The following LTBP1 variants were observed in gnomAD, a reference collection of about 807,000 sequenced individuals.
LTBP1 encodes the protein latent transforming growth factor beta binding protein 1, also known as latent-transforming growth factor beta-binding protein 1.
A neutral mutation model predicts 207.6 loss-of-function variants in LTBP1; 129 were observed. That is an observed-to-expected ratio of 0.62 (90% confidence interval 0.54 to 0.72). The LOEUF (loss-of-function observed/expected upper bound fraction) is 0.72. LTBP1 is among the 30% of genes least tolerant of loss of function. The pLI, the probability that LTBP1 is intolerant of heterozygous loss-of-function variation, is 0.00. For synonymous variants in LTBP1, 963 were observed against 833.7 expected (o/e 1.16, Z -2.67); for missense variants, 2,281 against 2,217.2 (o/e 1.03, Z -0.58).
At chr2:33,280,459 A>G (rs542338086) in intron 19 of LTBP1, among the ~76,000 whole-genome samples, 209 of 152,350 alleles carry the variant, frequency 1.4e-3, no homozygotes, top group African/African-American at 4.7e-3. Context: ...AGAGATGGAG[A>G]GCAAAACACT....
chr2:33,256,045 G>A (rs537226214), intron 11 of LTBP1, among the ~76,000 whole-genome samples: 1 of 151,446 alleles, frequency 6.6e-6, no homozygotes, highest in South Asian at 2.1e-4. Context: ...ATTATGCCGT[G>A]GAGGTTAGCA....
At chr2:33,334,206 G>T (rs562402895) in intron 24 of LTBP1, among the ~76,000 whole-genome samples, 1 of 152,322 alleles carries the variant, frequency 6.6e-6, no homozygotes, top group Admixed American at 6.5e-5. Flanking sequence ...AACCTTGGCT[G>T]TTAAAAAGGA....
intron 10 of LTBP1, among the ~76,000 whole-genome samples, chr2:33,249,834 C>A (rs746911524): frequency 7.2e-5 from 11 of 152,212 alleles, no homozygotes; most frequent in Non-Finnish European, 1.2e-4. Flanking sequence ...TACAGGCACC[C>A]TTTATTATCA....
chr2:33,381,192 A>T (rs557602916), intron 31 of LTBP1, among the ~76,000 whole-genome samples: 131 of 152,320 alleles, frequency 8.6e-4, no homozygotes, highest in Non-Finnish European at 1.5e-3. Context: ...TATGCCCCAG[A>T]TACATTGGCA....
intron 3 of LTBP1, among the ~76,000 whole-genome samples, chr2:33,078,899 G>GC (rs2078243462): frequency 9.4e-6 from 1 of 106,436 alleles, no homozygotes; most frequent in African/African-American, 3.5e-5. Flanking sequence ...TCGCTCTGTT[G>GC]CCAGGCTGGA....
chr2:33,243,603 G>A, intron 9 of LTBP1, 59 bp from the exon 10 acceptor site: 11 of 1,571,506 alleles, frequency 7.0e-6, no homozygotes, highest in South Asian at 4.6e-5. Flanking sequence ...GCAATGTATA[G>A]CCAGAATCTG....
At chr2:33,228,147 A>G (rs981001804) in intron 9 of LTBP1, among the ~76,000 whole-genome samples, 5 of 152,162 alleles carry the variant, frequency 3.3e-5, no homozygotes, top group African/African-American at 1.2e-4. Flanking sequence ...GTCCAGTACC[A>G]ATGACTTACA....
chr2:33,202,410 G>A (rs754875494), intron 7 of LTBP1, among the ~76,000 whole-genome samples: 1 of 152,156 alleles, frequency 6.6e-6, no homozygotes, highest in Non-Finnish European at 1.5e-5. Flanking sequence ...GAGAAATGGT[G>A]TTCATTTAGG....
At chr2:33,385,340 T>A (rs2095256699) in intron 31 of LTBP1, among the ~76,000 whole-genome samples, 1 of 152,240 alleles carries the variant, frequency 6.6e-6, no homozygotes, top group Non-Finnish European at 1.5e-5. Context: ...TGCCTGTTGA[T>A]CACTGCTTTT....
chr2:33,390,794 C>T (rs2095308573), intron 32 of LTBP1, among the ~76,000 whole-genome samples: 1 of 152,072 alleles, frequency 6.6e-6, no homozygotes, highest in Non-Finnish European at 1.5e-5. Flanking sequence ...GCCTGCACCA[C>T]ATTTTTAAGA....
intron 3 of LTBP1, among the ~76,000 whole-genome samples, chr2:33,060,766 G>T (rs1369376361): frequency 6.6e-6 from 1 of 151,998 alleles, no homozygotes; most frequent in Non-Finnish European, 1.5e-5. Context: ...AAAGAAAAAT[G>T]AGGGGATCAG....
At chr2:32,962,636 A>G (rs1258007020) in intron 2 of LTBP1, among the ~76,000 whole-genome samples, 3 of 152,242 alleles carry the variant, frequency 2.0e-5, no homozygotes, top group African/African-American at 4.8e-5. Flanking sequence ...GAGAATGTAT[A>G]TTACAACAAA....
intron 7 of LTBP1, among the ~76,000 whole-genome samples, chr2:33,193,968 CTCACTT>C (rs2088234765): frequency 6.6e-6 from 1 of 151,382 alleles, no homozygotes; most frequent in Non-Finnish European, 1.5e-5. Flanking sequence ...TCACACATCT[CTCACTT>C]TATTTATTTT....
Position 33,162,518 on chromosome 2 carries a change from A to C in LTBP1, c.1202-24338A>C, listed in dbSNP as rs138565212. On this transcript the variant is annotated intron_variant, in intron 5 of 33. Coordinates refer to ENST00000404816, the MANE Select transcript of LTBP1 (RefSeq NM_206943.4). ...GCAGAAACTTTGTTCTTGTCCTCAAATCAAATTTAAGCTTTCCTGTTGATT... is the reference window on the plus strand; with the variant it reads ...GCAGAAACTTTGTTCTTGTCCTCAACTCAAATTTAAGCTTTCCTGTTGATT... Among the ~76,000 whole-genome samples the C allele has an allele frequency of 6.8e-3, 1,032 of 152,294 alleles. 8 individuals carry two copies. The highest frequency in any genetic ancestry group is 0.031 in the Middle Eastern group (9 of 294).
chr2:33,086,996 A>C (rs1221307314), intron 3 of LTBP1, among the ~76,000 whole-genome samples: 1 of 149,070 alleles, frequency 6.7e-6, no homozygotes, highest in African/African-American at 2.5e-5. Flanking sequence ...TTGATCACAG[A>C]GATTATTCTT....
chr2:33,286,962 A>AG (rs2093677808), intron 19 of LTBP1, among the ~76,000 whole-genome samples: 1 of 152,248 alleles, frequency 6.6e-6, no homozygotes, highest in Non-Finnish European at 1.5e-5. Context: ...AGATAGCATT[A>AG]GGAGATATAC....
intron 5 of LTBP1, among the ~76,000 whole-genome samples, chr2:33,142,722 A>G (rs979619974): frequency 1.3e-5 from 2 of 152,148 alleles, no homozygotes; most frequent in African/African-American, 2.4e-5. Context: ...AAGCTTAACT[A>G]AAAGAGGGGT....
chr2:33,273,275 A>G (rs2093359141), intron 15 of LTBP1, among the ~76,000 whole-genome samples: 1 of 152,158 alleles, frequency 6.6e-6, no homozygotes. Flanking sequence ...TCTCTTACCT[A>G]TTGGTGATTC....
intron 10 of LTBP1, among the ~76,000 whole-genome samples, chr2:33,245,095 G>T (rs1028382414): frequency 3.3e-5 from 5 of 152,046 alleles, no homozygotes; most frequent in African/African-American, 1.2e-4. Flanking sequence ...GGTCAGGCTG[G>T]TCTTGAACTC....
Sources: gnomAD v4.1 joint callset for allele counts (sites outside exome capture counted in the v4.1 genomes callset) on GRCh38, gnomAD v4.1.1 for gene constraint, MANE v1.5 for transcripts, NCBI Gene and HGNC (gene_info 2026-07-23, HGNC 2026-07-21) for gene names.